Variants in SLMAP observed in about 807,000 individuals in gnomAD.
The protein encoded by SLMAP is sarcolemmal membrane-associated protein.
Under a neutral mutation model 128.8 loss-of-function variants are expected in SLMAP, and 44 were observed. That is an observed-to-expected ratio of 0.34 (90% CI 0.27 to 0.44). The LOEUF (loss-of-function observed/expected upper bound fraction) is 0.44, where lower values mean the gene tolerates loss of function less well. Among genes scored for constraint, SLMAP ranks in the 20% least tolerant of loss-of-function variants. The pLI is 1.00. For synonymous variants in SLMAP, 327 were observed against 348.8 expected, an observed-to-expected ratio of 0.94 and a Z score of 0.70; for missense variants, 787 against 985.3, an observed-to-expected ratio of 0.80 and a Z score of 2.69.
At position 57,929,889 on chromosome 3, in the gene SLMAP, C is replaced by A. The variant is rs950386348; in HGVS notation, c.*2600C>A. Among the ~76,000 whole-genome samples the A allele has an allele frequency of 1.2e-4, 19 of 152,216 alleles. 1 individual carries two copies. The highest frequency in any genetic ancestry group is 4.6e-4 in the African/African-American group (19 of 41,538). ...AAGATAATGTATGTGAAGTACCATTCGAGTGGTGAATACGTTTTTATGAGA... is the reference window on the plus strand; with the variant it reads ...AAGATAATGTATGTGAAGTACCATTAGAGTGGTGAATACGTTTTTATGAGA... On this transcript the variant is annotated 3_prime_UTR_variant, in exon 25 of 25. Transcript: ENST00000671191.
chr3:57,825,500 C>CTTTTTTTT (rs539901060), intron 2 of SLMAP, among the ~76,000 whole-genome samples: 9 of 106,568 alleles, frequency 8.4e-5, no homozygotes, highest in African/African-American at 1.0e-4. Context: ...TGTGTGTTTT[C>CTTTTTTTT]TTTTTTTTTT....
intron 2 of SLMAP, among the ~76,000 whole-genome samples, chr3:57,767,087 T>A (rs1477324267): frequency 6.6e-6 from 1 of 151,806 alleles, no homozygotes; most frequent in East Asian, 1.9e-4. Context: ...CCTGGCTAAT[T>A]TTTGTATTTT....
intron 14 of SLMAP, among the ~76,000 whole-genome samples, chr3:57,878,523 ACT>A (rs778538616): frequency 1.3e-5 from 2 of 151,984 alleles, no homozygotes; most frequent in Non-Finnish European, 2.9e-5. Flanking sequence ...ATTCTGATGC[ACT>A]CTCTCACTGG....
intron 2 of SLMAP, among the ~76,000 whole-genome samples, chr3:57,767,410 C>T (rs1168040294): frequency 6.6e-6 from 1 of 152,130 alleles, no homozygotes; most frequent in African/African-American, 2.4e-5. Context: ...GAAAGTCATT[C>T]AAGTTAGTTC....
Position 57,818,447 on chromosome 3 carries a change from G to T in SLMAP, c.199-12936G>T, listed in dbSNP as rs185539326. On this transcript the variant is annotated intron_variant, in intron 2 of 24. Coordinates refer to ENST00000671191, the MANE Select transcript of SLMAP (RefSeq NM_001377540.1). ...TGGGATTACAGGCGTGAGCCACTGC[G>T]CCTGGCCATAGTCCTGATTTCTTTA... Among the ~76,000 whole-genome samples, 119 of 152,260 alleles carry T rather than the reference G, an allele frequency of 7.8e-4. 1 individual carries two copies. Among genetic ancestry groups the T allele is most frequent in the African/African-American group, 2.3e-3 (95 of 41,554 alleles).
intron 3 of SLMAP, 125 bp downstream of exon 3, chr3:57,831,655 AG>A (rs2093345127): frequency 3.4e-6 from 2 of 590,816 alleles, no homozygotes; most frequent in Admixed American, 8.2e-5. Flanking sequence ...CATTATATAC[AG>A]TGAAAAGTTA....
intron 3 of SLMAP, among the ~76,000 whole-genome samples, chr3:57,837,353 A>G (rs2093686345): frequency 6.6e-6 from 1 of 152,026 alleles, no homozygotes; most frequent in African/African-American, 2.4e-5. Context: ...ATTAATCTTC[A>G]TCTATCTTTT....
chr3:57,887,438 C>T (rs1297056917), intron 14 of SLMAP, among the ~76,000 whole-genome samples: 4 of 152,106 alleles, frequency 2.6e-5, no homozygotes, highest in Admixed American at 6.6e-5. Flanking sequence ...TCTCGAACTC[C>T]TGACCTCAGG....
chr3:57,858,941 T>TCAA (rs900798293), intron 8 of SLMAP, among the ~76,000 whole-genome samples: 22 of 151,632 alleles, frequency 1.5e-4, no homozygotes, highest in Non-Finnish European at 2.2e-4. Context: ...AAACTCTGTC[T>TCAA]CAACAACAAC....
chr3:57,886,106 A>T (rs1575731764), intron 14 of SLMAP, among the ~76,000 whole-genome samples: 3 of 130,038 alleles, frequency 2.3e-5, no homozygotes, highest in Non-Finnish European at 3.3e-5. Context: ...TAAAGATATA[A>T]TTTTTTTTTT....
intron 6 of SLMAP, among the ~76,000 whole-genome samples, chr3:57,854,334 TG>T (rs35685747): frequency 1 from 151,766 of 152,026 alleles, 75,754 homozygotes; most frequent in Non-Finnish European, 1. Context: ...CGGGGGCTCT[TG>T]GCCTGTAATC....
chr3:57,762,218 A>T (rs151036832), intron 2 of SLMAP, among the ~76,000 whole-genome samples: 2 of 151,528 alleles, frequency 1.3e-5, no homozygotes, highest in Non-Finnish European at 2.9e-5. Context: ...AATACAAAAA[A>T]TTAGCTGGGC....
chr3:57,801,856 T>A (rs1000876941), intron 2 of SLMAP, among the ~76,000 whole-genome samples: 6 of 152,124 alleles, frequency 3.9e-5, no homozygotes, highest in Admixed American at 3.9e-4. Context: ...ATTCTCATGA[T>A]GATCAGCTTG....
intron 15 of SLMAP, among the ~76,000 whole-genome samples, chr3:57,893,561 T>C (rs781106206): frequency 6.6e-6 from 1 of 152,162 alleles, no homozygotes; most frequent in Non-Finnish European, 1.5e-5. Flanking sequence ...ATACTCTAAA[T>C]ATAGAGTAAG....
chr3:57,763,059 A>G (rs2079007222), intron 2 of SLMAP, among the ~76,000 whole-genome samples: 1 of 151,036 alleles, frequency 6.6e-6, no homozygotes, highest in African/African-American at 2.4e-5. Flanking sequence ...GATTCAAGGC[A>G]CCACTGAGCA....
chr3:57,909,165 A>G lies in SLMAP; in HGVS notation c.1699+15A>G, dbSNP rs759929467. 6.4e-7 allele frequency: 1 copy of G among 1,565,308 alleles called. No individual in the cohort carries two copies. Among genetic ancestry groups the G allele is most frequent in the Non-Finnish European group, 8.7e-7 (1 of 1,145,536 alleles). The stretch of plus-strand genomic sequence containing the variant: ...GGTTCTTCAAGGTATGGAAGACCCC[A>G]AGGCTCTTTGAGATTGTTATTGTGT... On this transcript the variant is annotated intron_variant, in intron 19 of 24. Transcript: ENST00000671191.
intron 2 of SLMAP, among the ~76,000 whole-genome samples, chr3:57,818,410 C>T (rs2092149383): frequency 6.6e-6 from 1 of 152,198 alleles, no homozygotes; most frequent in Non-Finnish European, 1.5e-5. Context: ...CCGCCTCGGC[C>T]TCCCAAAGTG....
At chr3:57,857,948 G>A in intron 7 of SLMAP, 120 bp downstream of exon 7, 1 of 948,768 alleles carries the variant, frequency 1.1e-6, no homozygotes, top group Non-Finnish European at 1.6e-6. Context: ...TGAACAAGTT[G>A]TTGAAGATTT....
Position 57,912,410 on chromosome 3 carries a change from G to A in SLMAP, c.1729G>A (p.Glu577Lys). Reference protein sequence around the residue: ...AQLQRLHIDTENLREEKDSEI... With the variant: ...AQLQRLHIDTKNLREEKDSEI... ...ATTGCAGAGGTTACACATCGATACT[G>A]AGAATCTCCGGGAGGAGAAGGACAG... Residue 577 changes from glutamate (E) to lysine (K), a missense_variant, in exon 20 of 25, where the codon GAG becomes AAG. Glu to Lys is a moderately conservative substitution (Grantham distance 56). Around this residue, in one of 2 missense-constraint regions of SLMAP, gnomAD observed 715 missense variants for 843.6 expected, o/e 0.85. Coordinates refer to ENST00000671191, the MANE Select transcript of SLMAP (RefSeq NM_001377540.1). 6.2e-7 allele frequency: 1 copy of A among 1,613,140 alleles called. No homozygotes were observed. The highest frequency in any genetic ancestry group is 1.1e-5 in the South Asian group (1 of 91,056).
Sources: gnomAD v4.1 joint callset for allele counts (sites outside exome capture counted in the v4.1 genomes callset) on GRCh38, gnomAD v4.1.1 for gene constraint, gnomAD v4.1.1 regional missense constraint, MANE v1.5 for transcripts, NCBI Gene and HGNC (gene_info 2026-07-23, HGNC 2026-07-21) for gene names.